The following SLC22A23 variants were observed in gnomAD, a reference collection of about 807,000 sequenced individuals.
SLC22A23 encodes solute carrier family 22 member 23.
A neutral mutation model predicts 61.0 loss-of-function variants in SLC22A23; 26 were observed. The observed-to-expected ratio is 0.43, with a 90% CI of 0.31 to 0.59. The LOEUF is 0.59. Ranked by LOEUF, SLC22A23 falls within the 20% of genes least tolerant of loss-of-function variation. The pLI, the probability that SLC22A23 is intolerant of heterozygous loss-of-function variation, is 0.11. For synonymous variants in SLC22A23, 430 were observed against 413.9 expected, an observed-to-expected ratio of 1.04 and a Z score of -0.47; for missense variants, 796 against 934.7, an observed-to-expected ratio of 0.85 and a Z score of 1.94.
intron 1 of SLC22A23, among the ~76,000 whole-genome samples, chr6:3,418,930 C>A (rs142039596): frequency 6.6e-6 from 1 of 152,094 alleles, no homozygotes; most frequent in Non-Finnish European, 1.5e-5. Flanking sequence ...AAAAATGTGT[C>A]GGGAAAAGAA....
chr6:3,280,348 G>T (rs904860111), intron 9 of SLC22A23, among the ~76,000 whole-genome samples: 16 of 152,102 alleles, frequency 1.1e-4, no homozygotes, highest in Non-Finnish European at 1.9e-4. Context: ...CCAGGCTCCG[G>T]GCCATATCAT....
Position 3,305,248 on chromosome 6 carries a change from T to C in SLC22A23, c.1083-7030A>G, listed in dbSNP as rs78538755. Among the ~76,000 whole-genome samples, 215 of 152,294 alleles carry C rather than the reference T, an allele frequency of 1.4e-3. 3 individuals carry two copies. The East Asian group carries it at 0.033, about 24-fold the overall frequency. On this transcript the variant is annotated intron_variant, in intron 4 of 9. Transcript: ENST00000406686. ...TGCCCAGGATTACACAGCTATTTAA[T>C]GGCAGAGCTGGGATCTGAACCCAGG...
intron 3 of SLC22A23, among the ~76,000 whole-genome samples, chr6:3,341,263 T>C (rs951521409): frequency 2.4e-4 from 36 of 152,316 alleles, no homozygotes; most frequent in African/African-American, 7.5e-4. Flanking sequence ...ATATGAAGGA[T>C]TGAAATGCTA....
intron 3 of SLC22A23, among the ~76,000 whole-genome samples, chr6:3,362,473 C>T (rs906244392): frequency 6.7e-6 from 1 of 149,708 alleles, no homozygotes; most frequent in Non-Finnish European, 1.5e-5. Flanking sequence ...GATTGAAACA[C>T]CCACCAAGGA....
At chr6:3,289,124 C>T (rs1760325278) in intron 6 of SLC22A23, among the ~76,000 whole-genome samples, 1 of 152,268 alleles carries the variant, frequency 6.6e-6, no homozygotes, top group South Asian at 2.1e-4. Flanking sequence ...CAAGGGACCA[C>T]CTTGCACAGT....
At chr6:3,288,014 TC>T (rs1417429453) in intron 6 of SLC22A23, among the ~76,000 whole-genome samples, 1 of 152,080 alleles carries the variant, frequency 6.6e-6, no homozygotes, top group African/African-American at 2.4e-5. Context: ...TATCCCTGTT[TC>T]CCCTCCACTG....
chr6:3,357,856 G>A (rs1037961640), intron 3 of SLC22A23, among the ~76,000 whole-genome samples: 1 of 152,222 alleles, frequency 6.6e-6, no homozygotes, highest in African/African-American at 2.4e-5. Flanking sequence ...ATGGGGTTCT[G>A]TGCTACAGGA....
chr6:3,299,972 C>A (rs1372124689), intron 4 of SLC22A23, among the ~76,000 whole-genome samples: 1 of 146,260 alleles, frequency 6.8e-6, no homozygotes, highest in African/African-American at 2.5e-5. Flanking sequence ...AAGTACCGAA[C>A]ACCTGCTTTG....
chr6:3,344,134 T>G (rs1283451695), intron 3 of SLC22A23, among the ~76,000 whole-genome samples: 1 of 152,306 alleles, frequency 6.6e-6, no homozygotes, highest in Middle Eastern at 3.4e-3. Flanking sequence ...TAATTAAAAT[T>G]AGGTACAAGT....
Position 3,270,602 on chromosome 6 carries a change from A to G in SLC22A23, c.*2453T>C, listed in dbSNP as rs1009321756. The stretch of plus-strand genomic sequence containing the variant: ...CCGACCGTCGGCAAGTCAGCCTCAC[A>G]CCCACTGGACTCTGCTCCCAAGAGC... On this transcript the variant is annotated 3_prime_UTR_variant, in exon 10 of 10. Coordinates refer to ENST00000406686, the MANE Select transcript of SLC22A23 (RefSeq NM_015482.2). The G allele has an allele frequency of 6.9e-6, 1 of 144,642 alleles. No individual in the cohort carries two copies. Among genetic ancestry groups the G allele is most frequent in the African/African-American group, 2.6e-5 (1 of 38,400 alleles). The allele number at this position is 144,642 out of a possible 1,614,324, so 9.0% of individuals were successfully genotyped here.
intron 3 of SLC22A23, among the ~76,000 whole-genome samples, chr6:3,358,143 A>G (rs973722665): frequency 2.0e-5 from 3 of 152,210 alleles, no homozygotes; most frequent in African/African-American, 7.2e-5. Flanking sequence ...TGGTGCAGCC[A>G]TTATGGAAAA....
At position 3,309,938 on chromosome 6, in the gene SLC22A23, C is replaced by T. The variant is rs1015786017; in HGVS notation, c.1083-11720G>A. Among the ~76,000 whole-genome samples, 7 of 152,178 alleles carry T rather than the reference C, an allele frequency of 4.6e-5. No homozygotes were observed. Among genetic ancestry groups the T allele is most frequent in the African/African-American group, 1.7e-4 (7 of 41,434 alleles). ...GGCCTGGAACCTGGGACTTAAGGCC[C>T]CTAAACCTGTGGAGTTTTCCTACAT... On this transcript the variant is annotated intron_variant, in intron 4 of 9. Coordinates refer to ENST00000406686, the MANE Select transcript of SLC22A23 (RefSeq NM_015482.2). This position sits in a 1 kb window ranked among gnomAD's most constrained non-coding sequence, Gnocchi z 4.7.
intron 3 of SLC22A23, among the ~76,000 whole-genome samples, chr6:3,344,976 A>G (rs1764341926): frequency 6.6e-6 from 1 of 152,244 alleles, no homozygotes; most frequent in Admixed American, 6.5e-5. Flanking sequence ...CTCCTCACTG[A>G]GCAAACTTCC....
chr6:3,307,730 C>T (rs564615142), intron 4 of SLC22A23, among the ~76,000 whole-genome samples: 19 of 152,326 alleles, frequency 1.2e-4, no homozygotes, highest in African/African-American at 4.1e-4. Flanking sequence ...CGGTGACTGT[C>T]GGTGAGTTAC....
chr6:3,276,719 G>C (rs1218330585), intron 9 of SLC22A23: 1 of 152,298 alleles, frequency 6.6e-6, no homozygotes, highest in Non-Finnish European at 1.5e-5. Context: ...CGAGGAAGGA[G>C]ATGCCTTCTG....
chr6:3,364,907 G>A (rs1765706376), intron 3 of SLC22A23, among the ~76,000 whole-genome samples: 2 of 152,146 alleles, frequency 1.3e-5, no homozygotes, highest in African/African-American at 4.8e-5. Context: ...GAGGGGGTAG[G>A]GGGACGGCAA....
intron 6 of SLC22A23, 53 bp from the exon 7 acceptor site, chr6:3,287,144 G>A: frequency 6.4e-7 from 1 of 1,552,858 alleles, no homozygotes; most frequent in Non-Finnish European, 8.8e-7. Context: ...GCCAGGGGCT[G>A]CGCTGCCTCC....
chr6:3,279,123 CATA>C (rs889720189), intron 9 of SLC22A23, among the ~76,000 whole-genome samples: 37 of 152,092 alleles, frequency 2.4e-4, no homozygotes, highest in African/African-American at 8.5e-4. Context: ...TATGTATATA[CATA>C]ATATGCAACA....
At position 3,378,719 on chromosome 6, in the gene SLC22A23, G is replaced by A. The variant is rs192069113; in HGVS notation, c.913+31469C>T. ...GTTGCCCAGGCTGGAGTGCAATGGC[G>A]TGATCTCGGCTCACTGCAACCTCCG... On this transcript the variant is annotated intron_variant, in intron 3 of 9. Coordinates refer to ENST00000406686, the MANE Select transcript of SLC22A23 (RefSeq NM_015482.2). Among the ~76,000 whole-genome samples, 1,287 of 146,698 alleles carry A rather than the reference G, an allele frequency of 8.8e-3. 19 individuals carry two copies. Among genetic ancestry groups the A allele is most frequent in the African/African-American group, 0.031 (1,205 of 39,402 alleles).
Sources: gnomAD v4.1 joint callset for allele counts (sites outside exome capture counted in the v4.1 genomes callset) on GRCh38, gnomAD v4.1.1 for gene constraint, Gnocchi (gnomAD v3.1) non-coding constraint, MANE v1.5 for transcripts, NCBI Gene and HGNC (gene_info 2026-07-23, HGNC 2026-07-21) for gene names.